The following HLA-F variants were observed in gnomAD, a reference collection of about 807,000 sequenced individuals.
The protein encoded by HLA-F is major histocompatibility complex, class I, F, also known as HLA class I histocompatibility antigen, alpha chain F.
HLA-F carries 46 observed loss-of-function variants against 49.5 expected under a neutral mutation model. That is an observed-to-expected ratio of 0.93 (90% CI 0.73 to 1.19). HLA-F has a LOEUF of 1.19. Among genes scored for constraint, HLA-F ranks in the 50% most tolerant of loss-of-function variants. The pLI, the probability that HLA-F is intolerant of heterozygous loss-of-function variation, is 0.00. For synonymous variants in HLA-F, 203 were observed against 233.5 expected (o/e 0.87, Z 1.19); for missense variants, 496 against 579.6 (o/e 0.86, Z 1.48).
downstream of HLA-F, among the ~76,000 whole-genome samples, chr6:29,729,557 A>G (rs1191826105): frequency 2.0e-5 from 3 of 152,254 alleles, no homozygotes; most frequent in Admixed American, 6.5e-5. Context: ...AGAAGAAAAC[A>G]TTGAAGAAAA....
chr6:29,728,505 A>G (rs1776316109), downstream of HLA-F: 2 of 162,928 alleles, frequency 1.2e-5, no homozygotes, highest in Non-Finnish European at 2.7e-5. Context: ...TCTGCATTAG[A>G]GAGAGGGTAA....
intron 3 of HLA-F, chr6:29,735,726 G>A (rs1421800181): frequency 6.6e-6 from 1 of 151,986 alleles, no homozygotes; most frequent in Non-Finnish European, 1.5e-5. Context: ...TGGAAGGTTT[G>A]GAGTTATTCT....
chr6:29,726,911 GATA>G lies in HLA-F; in HGVS notation c.1067_1069del (p.Ile356del). On this transcript the variant is annotated inframe_deletion, in exon 7 of 7. Coordinates refer to ENST00000259951, the MANE Select transcript of HLA-F (RefSeq NM_001098479.2). ...ACTCAGTGGTCAGCGGAAACTTGATGATAACATGGTGGTCAAGCTTATTTCTCC... is the reference window on the plus strand; with the variant it reads ...ACTCAGTGGTCAGCGGAAACTTGATGACATGGTGGTCAAGCTTATTTCTCC... The G allele has an allele frequency of 6.2e-7, 1 of 1,606,142 alleles. No individual in the cohort carries two copies. Among genetic ancestry groups the G allele is most frequent in the Non-Finnish European group, 8.5e-7 (1 of 1,179,816 alleles).
At chr6:29,726,711 G>A (rs1214730252) in intron 6 of HLA-F, 172 bp from the exon 7 acceptor site, 2 of 1,265,612 alleles carry the variant, frequency 1.6e-6, no homozygotes, top group African/African-American at 1.5e-5. Context: ...AAGCATCGTA[G>A]TCAGGAGCCA....
chr6:29,726,619 TAA>T, intron 6 of HLA-F: 1 of 1,513,872 alleles, frequency 6.6e-7, no homozygotes. Flanking sequence ...AAGATTCTTT[TAA>T]TGGTGAAAAG....
chr6:29,731,236 GATAGATAGATA>G (rs1562302098), downstream of HLA-F, among the ~76,000 whole-genome samples: 7 of 47,902 alleles, frequency 1.5e-4, no homozygotes, highest in African/African-American at 3.2e-4. Context: ...TGGATACATA[GATAGATAGATA>G]GATAGATAGA....
At chr6:29,723,969 C>T (rs1213808564) in intron 2 of HLA-F, 42 bp downstream of exon 2, 1 of 1,571,692 alleles carries the variant, frequency 6.4e-7, no homozygotes. Context: ...GACCACCCCC[C>T]ATCCGCCACG....
rs1238327146 is a variant in HLA-F, at chr6:29,723,685, C to T, written c.92C>T (p.Thr31Ile). Residue 31 changes from threonine (T) to isoleucine (I), a missense_variant, in exon 2 of 7, where the codon ACC becomes ATC. Transcript: ENST00000259951. Reference sequence around the variant, plus strand: ...TCCCACTCCTTGAGGTATTTCAGCACCGCTGTGTCGCGGCCCGGCCGCGGG... The same window carrying T: ...TCCCACTCCTTGAGGTATTTCAGCATCGCTGTGTCGCGGCCCGGCCGCGGG... ...AGSHSLRYFSTAVSRPGRGEP... is the reference protein window; with the variant it reads ...AGSHSLRYFSIAVSRPGRGEP... The T allele has an allele frequency of 1.2e-6, 2 of 1,611,158 alleles. No individual in the cohort carries two copies. The highest frequency in any genetic ancestry group is 2.2e-5 in the East Asian group (1 of 44,870).
chr6:29,733,558 T>C (rs1417000598), intron 3 of HLA-F, among the ~76,000 whole-genome samples: 1 of 152,254 alleles, frequency 6.6e-6, no homozygotes, highest in Non-Finnish European at 1.5e-5. Context: ...TTTGAGGCTG[T>C]CGTGTGCTAT....
At chr6:29,732,664 T>G (rs1207922182) in intron 3 of HLA-F, among the ~76,000 whole-genome samples, 1 of 151,902 alleles carries the variant, frequency 6.6e-6, no homozygotes, top group Non-Finnish European at 1.5e-5. Flanking sequence ...GCCAGTCTGG[T>G]CTCGAATTCC....
Position 29,724,407 on chromosome 6 carries a change from G to T in HLA-F, c.569G>T (p.Arg190Leu). ...YLEGECLELL[R>L]RYLENGKETL... ...GAGGGCGAGTGCCTGGAGTTGCTCC[G>T]CAGATACTTGGAGAATGGGAAGGAG... The change falls in exon 3 of 7, where the codon CGC becomes CTC. Residue 190 changes from arginine (R) to leucine (L), a missense_variant. By Grantham distance (102) the Arg-to-Leu change is moderately radical. Transcript: ENST00000259951. 1 of 1,613,302 alleles carries T rather than the reference G, an allele frequency of 6.2e-7. No individual in the cohort carries two copies. Among genetic ancestry groups the T allele is most frequent in the Non-Finnish European group, 8.5e-7 (1 of 1,180,036 alleles).
chr6:29,727,607 G>A (rs944636344), downstream of HLA-F, among the ~76,000 whole-genome samples: 9 of 152,046 alleles, frequency 5.9e-5, no homozygotes, highest in African/African-American at 2.2e-4. Flanking sequence ...TAAACATTTG[G>A]CAGCAATGTT....
rs3030698 is a variant in HLA-F at position 29,737,218 on chromosome 6, C to CAAAAA, written c.404-885_404-881dup. Among the ~76,000 whole-genome samples, 44 of 65,192 alleles carry CAAAAA rather than the reference C, an allele frequency of 6.7e-4. 3 individuals are homozygous for CAAAAA. Among genetic ancestry groups the CAAAAA allele is most frequent in the South Asian group, 3.0e-3 (3 of 1,012 alleles). The allele number at this position is 65,192 out of a possible 152,430, so 42.8% of individuals were successfully genotyped here. ...GATATAGTACCATCAATCCTCATGG[C>CAAAAA]AAAAAAAAAAAAAAAAAAAAAAACC... On this transcript the variant is annotated intron_variant, in intron 3 of 4. Transcript: ENST00000465459.
chr6:29,726,485 A>G, intron 6 of HLA-F: 1 of 1,578,542 alleles, frequency 6.3e-7, no homozygotes, highest in Non-Finnish European at 8.6e-7. Flanking sequence ...AACATACATA[A>G]ATTTTAAAAA....
At chr6:29,737,218 C>CAAAA (rs3030698) in intron 3 of HLA-F, among the ~76,000 whole-genome samples, 37 of 65,188 alleles carry the variant, frequency 5.7e-4, no homozygotes, top group African/African-American at 1.8e-3. Context: ...ATCCTCATGG[C>CAAAA]AAAAAAAAAA....
Position 29,724,409 on chromosome 6 carries a change from A to G in HLA-F, c.571A>G (p.Arg191Gly), listed in dbSNP as rs1408724558. The change falls in exon 3 of 7, where the codon AGA (arginine) becomes GGA (glycine). Residue 191 changes from arginine (R) to glycine (G), a missense_variant. Physicochemically the swap from Arg to Gly is moderately radical, Grantham distance 125. Coordinates refer to ENST00000259951, the MANE Select transcript of HLA-F (RefSeq NM_001098479.2). ...GGGCGAGTGCCTGGAGTTGCTCCGC[A>G]GATACTTGGAGAATGGGAAGGAGAC... ...LEGECLELLRRYLENGKETLQ... is the reference protein window; with the variant it reads ...LEGECLELLRGYLENGKETLQ... 4 of 1,613,184 alleles carry G rather than the reference A, an allele frequency of 2.5e-6. No homozygotes were observed. The highest frequency in any genetic ancestry group is 3.4e-6 in the Non-Finnish European group (4 of 1,180,032).
chr6:29,731,822 C>A (rs1211692031), downstream of HLA-F, among the ~76,000 whole-genome samples: 1 of 147,858 alleles, frequency 6.8e-6, no homozygotes, highest in Non-Finnish European at 1.5e-5. Context: ...CATTGTTTCT[C>A]ACCATCATAA....
At chr6:29,725,891 C>T in intron 5 of HLA-F, 120 bp from the exon 6 acceptor site, 1 of 1,102,480 alleles carries the variant, frequency 9.1e-7, no homozygotes, top group Non-Finnish European at 1.4e-6. Context: ...TTGATCCTGC[C>T]CTGGATCTAC....
rs547496463 is a variant in HLA-F at position 29,724,384 on chromosome 6, G to C, written c.546G>C (p.Glu182Asp). The C allele has an allele frequency of 5.6e-6, 9 of 1,613,138 alleles. No individual in the cohort carries two copies. The highest frequency in any genetic ancestry group is 6.8e-6 in the Non-Finnish European group (8 of 1,180,052). The change falls in exon 3 of 7, where the codon GAG (glutamate) becomes GAC (aspartate). Residue 182 changes from glutamate (E) to aspartate (D), a missense_variant. Glu to Asp is a conservative substitution (Grantham distance 45). Transcript: ENST00000259951. ...EYAEEFRTYL[E>D]GECLELLRRY... The stretch of plus-strand genomic sequence containing the variant: ...CAGAGGAGTTCAGGACCTACCTGGA[G>C]GGCGAGTGCCTGGAGTTGCTCCGCA...
Sources: allele counts gnomAD v4.1 joint callset (sites outside exome capture counted in the v4.1 genomes callset), GRCh38; gene constraint gnomAD v4.1.1; transcripts MANE v1.5; gene names NCBI Gene and HGNC (gene_info 2026-07-23, HGNC 2026-07-21).